The following DYNC2H1 variants were observed in gnomAD, a reference collection of about 807,000 sequenced individuals.
The protein encoded by DYNC2H1 is dynein cytoplasmic 2 heavy chain 1.
A neutral mutation model predicts 570.0 loss-of-function variants in DYNC2H1; 410 were observed. That is an observed-to-expected ratio of 0.72 (90% CI 0.66 to 0.78). The LOEUF is 0.78. DYNC2H1 is among the 30% of genes least tolerant of loss of function. The probability of loss-of-function intolerance (pLI) is 0.00; values close to 1 mark genes in which losing one functional copy is unlikely to be tolerated. For missense variants in DYNC2H1, 4,865 were observed against 5,046.4 expected (o/e 0.96, Z 1.09); for synonymous variants, 1,688 against 1,677.6 (o/e 1.01, Z -0.15).
At chr11:103,295,945 C>T (rs530710370) in intron 75 of DYNC2H1, among the ~76,000 whole-genome samples, 133 of 152,304 alleles carry the variant, frequency 8.7e-4, no homozygotes, top group African/African-American at 3.1e-3. Flanking sequence ...CGAGGTCTCT[C>T]TGGTCCTCCT....
intron 56 of DYNC2H1, among the ~76,000 whole-genome samples, chr11:103,220,234 T>C (rs377595431): frequency 2.6e-4 from 40 of 152,300 alleles, no homozygotes; most frequent in African/African-American, 8.9e-4. Context: ...AAATAATCTT[T>C]GTTTTCCAAG....
At chr11:103,478,069 TGAGCGAA>T (rs1302655651) in intron 88 of DYNC2H1, among the ~76,000 whole-genome samples, 2 of 142,296 alleles carry the variant, frequency 1.4e-5, no homozygotes, top group Non-Finnish European at 3.1e-5. Flanking sequence ...AAAGTTCCCC[TGAGCGAA>T]GACTGACAAT....
At position 103,239,990 on chromosome 11, in the gene DYNC2H1, G is replaced by A. The variant is rs17303470; in HGVS notation, c.9819+3451G>A. ...AGATATTTTTACCCATTCTTTCTAG[G>A]CAGCTCAAAATTTATCAGCCTTTAA... On this transcript the variant is annotated intron_variant, in intron 63 of 88. Coordinates refer to ENST00000375735, the MANE Select transcript of DYNC2H1 (RefSeq NM_001377.3). The surrounding 1 kb of genome is among the most constrained non-coding windows in gnomAD (Gnocchi z 4.3). 0.11 allele frequency among the ~76,000 whole-genome samples: 16,945 copies of A among 151,690 alleles called. 977 individuals are homozygous for A. The highest frequency in any genetic ancestry group is 0.12 in the Non-Finnish European group (8,163 of 67,920).
Position 103,256,838 on chromosome 11 carries a change from T to A in DYNC2H1, c.10461+598T>A, listed in dbSNP as rs1865075959. ...TGCTGTCTTGCGTTACCTTAACTGA[T>A]TCTCTTTTGAAATGTAAAATTGGAT... On this transcript the variant is annotated intron_variant, in intron 68 of 88. Coordinates refer to ENST00000375735, the MANE Select transcript of DYNC2H1 (RefSeq NM_001377.3). This position sits in a 1 kb window ranked among gnomAD's most constrained non-coding sequence, Gnocchi z 4.0. 6.6e-6 allele frequency among the ~76,000 whole-genome samples: 1 copy of A among 152,140 alleles called. No homozygotes were observed. Among genetic ancestry groups the A allele is most frequent in the Non-Finnish European group, 1.5e-5 (1 of 68,010 alleles).
intron 83 of DYNC2H1, among the ~76,000 whole-genome samples, chr11:103,384,791 A>G (rs1565547916): frequency 6.6e-6 from 1 of 152,058 alleles, no homozygotes; most frequent in African/African-American, 2.4e-5. Context: ...GATTTGCCCC[A>G]TGTTTATCAC....
rs967309579 is a variant in DYNC2H1, at chr11:103,461,704, T to C, written c.12648+5348T>C. Among the ~76,000 whole-genome samples, 1 of 144,730 alleles carries C rather than the reference T, an allele frequency of 6.9e-6. No homozygotes were observed. 94.9% of individuals were successfully genotyped at this position (144,730 alleles called of 152,430 possible). A position where few individuals can be genotyped will look rare whatever the true frequency, so the allele number is the denominator to read the frequency against. On this transcript the variant is annotated intron_variant, in intron 87 of 88. Coordinates refer to ENST00000375735, the MANE Select transcript of DYNC2H1 (RefSeq NM_001377.3). The surrounding 1 kb of genome is among the most constrained non-coding windows in gnomAD (Gnocchi z 4.8). ...GGAACGGTCAATTCCCTAGAAAATG[T>C]AAACATCCTTTGGTCTTCAAGGTTT...
intron 82 of DYNC2H1, among the ~76,000 whole-genome samples, chr11:103,339,921 G>A (rs768115258): frequency 2.6e-5 from 4 of 152,190 alleles, no homozygotes; most frequent in Non-Finnish European, 4.4e-5. Flanking sequence ...TCTGTCCAGT[G>A]TTGTGTTCCA....
rs1864337236 is a variant in DYNC2H1, at chr11:103,239,286, G to A, written c.9819+2747G>A. Among the ~76,000 whole-genome samples, 1 of 151,962 alleles carries A rather than the reference G, an allele frequency of 6.6e-6. No homozygotes were observed. The highest frequency in any genetic ancestry group is 6.6e-5 in the Admixed American group (1 of 15,236). On this transcript the variant is annotated intron_variant, in intron 63 of 88. Coordinates refer to ENST00000375735, the MANE Select transcript of DYNC2H1 (RefSeq NM_001377.3). This position sits in a 1 kb window ranked among gnomAD's most constrained non-coding sequence, Gnocchi z 4.3. The stretch of plus-strand genomic sequence containing the variant: ...GGAAATGCAAACTAATGTGATACTA[G>A]TCTAAGAATATAAAATTATAATGGT...
intron 88 of DYNC2H1, among the ~76,000 whole-genome samples, chr11:103,475,258 T>C (rs1730803027): frequency 6.6e-6 from 1 of 152,148 alleles, no homozygotes; most frequent in South Asian, 2.1e-4. Context: ...GGAGGAAATA[T>C]AATGTGAATT....
chr11:103,238,131 G>A (rs950733525), intron 63 of DYNC2H1, among the ~76,000 whole-genome samples: 2 of 152,090 alleles, frequency 1.3e-5, no homozygotes, highest in African/African-American at 4.8e-5. Context: ...TGGATAGCAC[G>A]TAATCTGTAA....
intron 72 of DYNC2H1, 23 bp from the exon 73 acceptor site, chr11:103,282,985 G>A (rs760980668): frequency 1.9e-6 from 3 of 1,570,472 alleles, no homozygotes; most frequent in Non-Finnish European, 2.6e-6. Flanking sequence ...GTATACTAAG[G>A]AAAATAATTG....
chr11:103,155,617 A>C, intron 25 of DYNC2H1, 116 bp downstream of exon 25: 1 of 1,016,462 alleles, frequency 9.8e-7, no homozygotes, highest in Non-Finnish European at 1.4e-6. Flanking sequence ...AGCTTTCATC[A>C]AAAAGTAAAC....
intron 12 of DYNC2H1, among the ~76,000 whole-genome samples, chr11:103,126,258 A>G (rs12577612): frequency 0.34 from 51,370 of 151,996 alleles, 9,081 homozygotes; most frequent in East Asian, 0.46. Context: ...GTTTGGATCA[A>G]TTCTTTTTTT....
intron 84 of DYNC2H1, among the ~76,000 whole-genome samples, chr11:103,429,886 T>C (rs548527202): frequency 2.6e-5 from 4 of 152,318 alleles, no homozygotes; most frequent in African/African-American, 9.6e-5. Flanking sequence ...CATAAAAACC[T>C]TGTGCAACTG....
In DYNC2H1 at chr11:103,334,342, G is replaced by A. The variant is rs116143202; in HGVS notation, c.12039+10352G>A. 5.1e-3 allele frequency among the ~76,000 whole-genome samples: 782 copies of A among 152,160 alleles called. 5 individuals carry two copies. The highest frequency in any genetic ancestry group is 0.017 in the African/African-American group (714 of 41,536). On this transcript the variant is annotated intron_variant, in intron 82 of 88. Coordinates refer to ENST00000375735, the MANE Select transcript of DYNC2H1 (RefSeq NM_001377.3). The surrounding 1 kb of genome is among the most constrained non-coding windows in gnomAD (Gnocchi z 4.3). Reference sequence around the variant, plus strand: ...GGGTAAATTTAGGTATTTCTGGCACGGATAGGGTAGAACAGAATTTGGCTA... The same window carrying A: ...GGGTAAATTTAGGTATTTCTGGCACAGATAGGGTAGAACAGAATTTGGCTA...
intron 87 of DYNC2H1, among the ~76,000 whole-genome samples, chr11:103,466,114 C>T (rs955577334): frequency 6.6e-6 from 1 of 151,744 alleles, no homozygotes; most frequent in Admixed American, 6.6e-5. Context: ...ACAAAAAAAA[C>T]AGTCCAGAAA....
At chr11:103,216,074 G>A (rs1863371615) in intron 55 of DYNC2H1, among the ~76,000 whole-genome samples, 1 of 152,102 alleles carries the variant, frequency 6.6e-6, no homozygotes, top group East Asian at 1.9e-4. Flanking sequence ...TTGACCATGT[G>A]CAACTTATGT....
chr11:103,230,580 A>G (rs923395878), intron 59 of DYNC2H1, among the ~76,000 whole-genome samples: 4 of 152,204 alleles, frequency 2.6e-5, no homozygotes, highest in Non-Finnish European at 5.9e-5. Flanking sequence ...TGTAATATCA[A>G]TTATTAAATA....
At chr11:103,377,945 C>T (rs1941461153) in intron 83 of DYNC2H1, among the ~76,000 whole-genome samples, 1 of 151,822 alleles carries the variant, frequency 6.6e-6, no homozygotes, top group East Asian at 1.9e-4. Flanking sequence ...CCATGTTGGC[C>T]AGCTGGTCTC....
Sources: gnomAD v4.1 joint callset for allele counts (sites outside exome capture counted in the v4.1 genomes callset) on GRCh38, gnomAD v4.1.1 for gene constraint, Gnocchi (gnomAD v3.1) non-coding constraint, MANE v1.5 for transcripts, NCBI Gene and HGNC (gene_info 2026-07-23, HGNC 2026-07-21) for gene names.